NEGR1: variants seen among roughly 807,000 people sequenced by gnomAD.
NEGR1 encodes the protein IgLON family member 4.
NEGR1 carries 10 observed loss-of-function variants against 40.9 expected under a neutral mutation model. That is an observed-to-expected ratio of 0.24 (90% CI 0.15 to 0.42). NEGR1 has a LOEUF of 0.42. Ranked by LOEUF, NEGR1 falls within the 10% of genes least tolerant of loss-of-function variation. The pLI, the probability that NEGR1 is intolerant of heterozygous loss-of-function variation, is 1.00. For missense variants in NEGR1, 352 were observed against 438.9 expected, an observed-to-expected ratio of 0.80 and a Z score of 1.77; for synonymous variants, 185 against 166.8, an observed-to-expected ratio of 1.11 and a Z score of -0.84.
Position 72,055,374 on chromosome 1 carries a change from A to T in NEGR1, c.177-120063T>A, listed in dbSNP as rs192277919. Among the ~76,000 whole-genome samples, 23 of 151,354 alleles carry T rather than the reference A, an allele frequency of 1.5e-4. No homozygotes were observed. The East Asian group carries it at 4.1e-3, about 27-fold the overall frequency. The stretch of plus-strand genomic sequence containing the variant: ...ATTACTCCCTTATATTGAACAAAGA[A>T]TCTTCTTTTAATTTAGTATCTATCT... On this transcript the variant is annotated intron_variant, in intron 1 of 6. Transcript: ENST00000357731.
At chr1:72,221,842 T>C (rs1654023468) in intron 1 of NEGR1, among the ~76,000 whole-genome samples, 1 of 152,154 alleles carries the variant, frequency 6.6e-6, no homozygotes, top group Admixed American at 6.6e-5. Context: ...CACAGGATCT[T>C]TGATATTTCT....
At chr1:72,000,586 G>A (rs1646548377) in intron 1 of NEGR1, among the ~76,000 whole-genome samples, 1 of 151,956 alleles carries the variant, frequency 6.6e-6, no homozygotes, top group Non-Finnish European at 1.5e-5. Context: ...GTCAATATTT[G>A]TTATATCAGA....
chr1:72,058,649 T>A (rs1647134948), intron 1 of NEGR1, among the ~76,000 whole-genome samples: 1 of 151,582 alleles, frequency 6.6e-6, no homozygotes. Context: ...GTCTTTAAAG[T>A]TTTGTGTTAT....
chr1:71,454,313 T>G (rs1328547447), intron 6 of NEGR1, among the ~76,000 whole-genome samples: 4 of 152,158 alleles, frequency 2.6e-5, no homozygotes, highest in African/African-American at 7.2e-5. Flanking sequence ...CTATTGTCAT[T>G]AGTTCTGGAT....
At chr1:71,563,743 G>A (rs948909838) in intron 6 of NEGR1, among the ~76,000 whole-genome samples, 7 of 151,954 alleles carry the variant, frequency 4.6e-5, no homozygotes, top group African/African-American at 1.7e-4. Flanking sequence ...TAGTGTAAAA[G>A]AGGGTGAAGA....
At chr1:72,146,451 TAG>T (rs1283022258) in intron 1 of NEGR1, among the ~76,000 whole-genome samples, 1 of 152,176 alleles carries the variant, frequency 6.6e-6, no homozygotes, top group African/African-American at 2.4e-5. Context: ...CTTGTAAATT[TAG>T]AGTTAGAAAT....
At chr1:72,248,830 G>T (rs139286510) in intron 1 of NEGR1, among the ~76,000 whole-genome samples, 12 of 151,372 alleles carry the variant, frequency 7.9e-5, no homozygotes, top group Non-Finnish European at 1.5e-4. Context: ...TGATCCACCC[G>T]CCTTGACCTC....
chr1:72,265,165 C>T (rs1397460799), intron 1 of NEGR1, among the ~76,000 whole-genome samples: 2 of 150,826 alleles, frequency 1.3e-5, no homozygotes, highest in East Asian at 3.9e-4. Flanking sequence ...AACTCTTGGA[C>T]AATCTTTTTG....
chr1:71,531,662 T>G (rs2101444575), intron 6 of NEGR1, among the ~76,000 whole-genome samples: 1 of 151,514 alleles, frequency 6.6e-6, no homozygotes, highest in Non-Finnish European at 1.5e-5. Context: ...AATGGGAAAC[T>G]GTTATTAATC....
At chr1:71,637,200 A>G (rs1199007825) in intron 4 of NEGR1, among the ~76,000 whole-genome samples, 1 of 152,104 alleles carries the variant, frequency 6.6e-6, no homozygotes, top group African/African-American at 2.4e-5. Flanking sequence ...GCATGTGTCT[A>G]TCACACCAAG....
At chr1:71,923,806 G>C (rs1645744049) in intron 2 of NEGR1, among the ~76,000 whole-genome samples, 1 of 152,166 alleles carries the variant, frequency 6.6e-6, no homozygotes, top group African/African-American at 2.4e-5. Flanking sequence ...TACATCAGCA[G>C]TCAGCTCCCT....
chr1:71,974,834 T>C (rs1646287859), intron 1 of NEGR1, among the ~76,000 whole-genome samples: 3 of 152,218 alleles, frequency 2.0e-5, no homozygotes, highest in Non-Finnish European at 2.9e-5. Context: ...TTAATCATGA[T>C]GCTACATTAT....
At chr1:71,685,599 C>A (rs1368628688) in intron 4 of NEGR1, among the ~76,000 whole-genome samples, 2 of 152,144 alleles carry the variant, frequency 1.3e-5, no homozygotes, top group African/African-American at 4.8e-5. Flanking sequence ...GGATTACAGG[C>A]ATGAGCCACC....
chr1:71,510,819 C>A (rs1363796398), intron 6 of NEGR1, among the ~76,000 whole-genome samples: 2 of 152,178 alleles, frequency 1.3e-5, no homozygotes, highest in Admixed American at 6.5e-5. Context: ...TACTTTGTGT[C>A]TCCAGGTCCA....
intron 6 of NEGR1, among the ~76,000 whole-genome samples, chr1:71,419,551 GT>G (rs932660351): frequency 6.6e-6 from 1 of 151,614 alleles, no homozygotes; most frequent in Middle Eastern, 3.4e-3. Flanking sequence ...AATTAAATCT[GT>G]TTTTTTTCCT....
chr1:71,884,109 T>A (rs1200260110), intron 2 of NEGR1, among the ~76,000 whole-genome samples: 1 of 152,142 alleles, frequency 6.6e-6, no homozygotes, highest in Non-Finnish European at 1.5e-5. Flanking sequence ...CAGGGTGCCC[T>A]TTAAAGTCTA....
chr1:71,757,178 T>C (rs1655774639), intron 3 of NEGR1, among the ~76,000 whole-genome samples: 1 of 152,136 alleles, frequency 6.6e-6, no homozygotes, highest in Admixed American at 6.5e-5. Flanking sequence ...ATGAGATATT[T>C]GTATTATGCT....
chr1:71,616,484 T>A (rs1240837533), intron 4 of NEGR1, among the ~76,000 whole-genome samples: 1 of 152,196 alleles, frequency 6.6e-6, no homozygotes, highest in African/African-American at 2.4e-5. Context: ...TAACAGAGAA[T>A]TATACACATA....
At chr1:71,776,902 T>C (rs1656531030) in intron 2 of NEGR1, among the ~76,000 whole-genome samples, 1 of 152,114 alleles carries the variant, frequency 6.6e-6, no homozygotes, top group African/African-American at 2.4e-5. Flanking sequence ...AAAGTTTTCT[T>C]ATCAATAATG....
Sources: gnomAD v4.1 joint callset for allele counts (sites outside exome capture counted in the v4.1 genomes callset) on GRCh38, gnomAD v4.1.1 for gene constraint, MANE v1.5 for transcripts, NCBI Gene and HGNC (gene_info 2026-07-23, HGNC 2026-07-21) for gene names.